The following DYNC2H1 variants were observed in gnomAD, a reference collection of about 807,000 sequenced individuals.
The protein encoded by DYNC2H1 is cytoplasmic dynein 2 heavy chain 1.
DYNC2H1 carries 410 observed loss-of-function variants against 570.0 expected under a neutral mutation model. The observed-to-expected ratio is 0.72, with a 90% confidence interval of 0.66 to 0.78. DYNC2H1 has a LOEUF of 0.78. Among genes scored for constraint, DYNC2H1 ranks in the 30% least tolerant of loss-of-function variants. The probability of loss-of-function intolerance (pLI) is 0.00; values close to 1 mark genes in which losing one functional copy is unlikely to be tolerated. For missense variants in DYNC2H1, 4,865 were observed against 5,046.4 expected (o/e 0.96, Z 1.09); for synonymous variants, 1,688 against 1,677.6 (o/e 1.01, Z -0.15).
intron 34 of DYNC2H1, 141 bp downstream of exon 34, chr11:103,171,209 T>A (rs1430670705): frequency 2.3e-5 from 18 of 781,288 alleles, no homozygotes; most frequent in South Asian, 4.8e-5. Flanking sequence ...TTTTTTTAGC[T>A]ATAAAACGTT....
At position 103,109,631 on chromosome 11, in the gene DYNC2H1, T is replaced by C; in HGVS notation, c.57T>C (p.Asn19=). The C allele has an allele frequency of 6.2e-7, 1 of 1,613,946 alleles. No homozygotes were observed. Among genetic ancestry groups the C allele is most frequent in the African/African-American group, 1.3e-5 (1 of 75,024 alleles). Residue 19 remains asparagine (N), a synonymous_variant, in exon 1 of 89, where the codon AAT becomes AAC. Transcript: ENST00000375735. ...RKLFIFTTTQ[N]YFGLMSELWD... ...TCTTCATCTTCACTACTACCCAGAA[T>C]TACTTCGGGTTGATGTCTGAACTCT...
At chr11:103,311,165 T>G (rs1867570537) in intron 78 of DYNC2H1, among the ~76,000 whole-genome samples, 1 of 152,200 alleles carries the variant, frequency 6.6e-6, no homozygotes, top group South Asian at 2.1e-4. Flanking sequence ...TAAAACAAGC[T>G]AATTAGAATA....
intron 85 of DYNC2H1, among the ~76,000 whole-genome samples, chr11:103,454,115 C>T (rs923239715): frequency 6.8e-6 from 1 of 147,312 alleles, no homozygotes; most frequent in Non-Finnish European, 1.5e-5. Context: ...ATTTTAATTT[C>T]TTCTATTCTA....
intron 71 of DYNC2H1, among the ~76,000 whole-genome samples, chr11:103,281,028 A>T (rs2135338046): frequency 6.6e-6 from 1 of 152,156 alleles, no homozygotes; most frequent in South Asian, 2.1e-4. Flanking sequence ...AATTTTTCTC[A>T]TTATGATGCT....
chr11:103,440,008 A>G (rs944657187), intron 85 of DYNC2H1, among the ~76,000 whole-genome samples: 7 of 152,058 alleles, frequency 4.6e-5, no homozygotes, highest in Non-Finnish European at 1.0e-4. Flanking sequence ...TGATCATTCT[A>G]AATTCTAGCG....
Position 103,268,217 on chromosome 11 carries a change from G to A in DYNC2H1, c.10695+8240G>A, listed in dbSNP as rs190750956. ...TATCTCTACCCACATAATAATAAAG[G>A]TATATCTTTATCTCCTTTGTTGCAC... On this transcript the variant is annotated intron_variant, in intron 70 of 88. Transcript: ENST00000375735. This position sits in a 1 kb window ranked among gnomAD's most constrained non-coding sequence, Gnocchi z 4.6. Among the ~76,000 whole-genome samples, 616 of 152,040 alleles carry A rather than the reference G, an allele frequency of 4.1e-3. 3 individuals carry two copies. Among genetic ancestry groups the A allele is most frequent in the Non-Finnish European group, 6.8e-3 (460 of 67,908 alleles).
At chr11:103,312,059 A>G in intron 79 of DYNC2H1, 26 bp downstream of exon 79, 1 of 1,580,866 alleles carries the variant, frequency 6.3e-7, no homozygotes, top group South Asian at 1.2e-5. Flanking sequence ...TCTTGAATAC[A>G]TTCTAAGCTT....
intron 40 of DYNC2H1, 24 bp from the exon 41 acceptor site, chr11:103,184,872 T>C (rs1862003200): frequency 2.5e-6 from 4 of 1,608,750 alleles, no homozygotes; most frequent in Non-Finnish European, 3.4e-6. Flanking sequence ...TTTGTCTGTT[T>C]GTATCACGGA....
chr11:103,404,448 A>G (rs1222890979), intron 84 of DYNC2H1: 1 of 150,732 alleles, frequency 6.6e-6, no homozygotes, highest in Non-Finnish European at 1.5e-5. Flanking sequence ...CTTAAAAATT[A>G]TTAGTATAAC....
intron 59 of DYNC2H1, among the ~76,000 whole-genome samples, chr11:103,223,726 T>C (rs1863687624): frequency 6.8e-6 from 1 of 146,576 alleles, no homozygotes; most frequent in Non-Finnish European, 1.5e-5. Flanking sequence ...CTTTGGAAAT[T>C]TAAGACTTTT....
At chr11:103,230,899 C>T (rs1250544983) in intron 59 of DYNC2H1, among the ~76,000 whole-genome samples, 2 of 152,036 alleles carry the variant, frequency 1.3e-5, no homozygotes, top group African/African-American at 4.8e-5. Flanking sequence ...TTTGAAATTT[C>T]TCCTATTTCA....
intron 70 of DYNC2H1, among the ~76,000 whole-genome samples, chr11:103,263,075 A>G (rs1161593730): frequency 6.6e-6 from 1 of 151,946 alleles, no homozygotes; most frequent in African/African-American, 2.4e-5. Context: ...GTCTCTGACA[A>G]AACAGACTTT....
In DYNC2H1 at chr11:103,184,809, G is replaced by T. The variant is rs1294775171; in HGVS notation, c.6478-87G>T. 5.7e-6 allele frequency: 8 copies of T among 1,391,840 alleles called. No individual in the cohort carries two copies. In the African/African-American group the frequency reaches 1.1e-4, roughly 20 times the overall value. 86.2% of individuals were successfully genotyped at this position (1,391,840 alleles called of 1,614,324 possible). A position where few individuals can be genotyped will look rare whatever the true frequency, so the allele number is the denominator to read the frequency against. ...TGAGTTTAAAAATGGTTCTTGAAAA[G>T]GTATGTGAACATCAGTCTGTATGGT... On this transcript the variant is annotated intron_variant, in intron 40 of 88. Transcript: ENST00000375735.
intron 75 of DYNC2H1, among the ~76,000 whole-genome samples, chr11:103,293,202 G>A (rs942926199): frequency 2.0e-5 from 3 of 146,614 alleles, no homozygotes; most frequent in Non-Finnish European, 4.5e-5. Context: ...ATTCTAAGTT[G>A]GAAGCTTTTT....
intron 59 of DYNC2H1, 144 bp downstream of exon 59, chr11:103,223,230 C>A: frequency 1.3e-6 from 1 of 779,184 alleles, no homozygotes; most frequent in Non-Finnish European, 1.8e-6. Flanking sequence ...CAATTAAAGA[C>A]AAATTTAAAA....
At chr11:103,387,337 T>C (rs1457548539) in intron 83 of DYNC2H1, among the ~76,000 whole-genome samples, 1 of 152,198 alleles carries the variant, frequency 6.6e-6, no homozygotes, top group Non-Finnish European at 1.5e-5. Context: ...CACCTACTTG[T>C]TGATGGGGTT....
At position 103,174,082 on chromosome 11, in the gene DYNC2H1, T is replaced by A. The variant is rs1439942703; in HGVS notation, c.5586T>A (p.Tyr1862Ter). Residue 1862 changes from tyrosine to a stop codon, truncating the protein, a stop_gained, in exon 36 of 89, where the codon TAT becomes TAA. Coordinates refer to ENST00000375735, the MANE Select transcript of DYNC2H1 (RefSeq NM_001377.3). LOFTEE classifies it high-confidence loss of function. Reference protein sequence around the residue: ...SRELLTPQQHYDWGLRALKTV... With the variant: ...SRELLTPQQH ...AACTTTTGACACCTCAGCAACATTA[T>A]GATTGGGGTTTGAGAGCTTTGAAGA... The A allele has an allele frequency of 1.3e-6, 2 of 1,589,792 alleles. No homozygotes were observed. The highest frequency in any genetic ancestry group is 1.3e-5 in the African/African-American group (1 of 74,646).
In DYNC2H1 at chr11:103,439,228, G is replaced by A. The variant is rs1232345176; in HGVS notation, c.12456+3196G>A. On this transcript the variant is annotated intron_variant, in intron 85 of 88. Transcript: ENST00000375735. This position sits in a 1 kb window ranked among gnomAD's most constrained non-coding sequence, Gnocchi z 4.1. ...GTCAGAGAAGTGCTGCCTAAGCTGG[G>A]AACTTAGTAGGAATAAACCAGATGA... Among the ~76,000 whole-genome samples the A allele has an allele frequency of 1.3e-5, 2 of 152,054 alleles. No homozygotes were observed. Among genetic ancestry groups the A allele is most frequent in the Non-Finnish European group, 2.9e-5 (2 of 68,008 alleles).
chr11:103,349,194 T>C (rs1031561769), intron 82 of DYNC2H1, among the ~76,000 whole-genome samples: 1 of 152,138 alleles, frequency 6.6e-6, no homozygotes, highest in African/African-American at 2.4e-5. Flanking sequence ...ACCAAATACC[T>C]AGTAGTGGAA....
Sources: allele counts gnomAD v4.1 joint callset (sites outside exome capture counted in the v4.1 genomes callset), GRCh38; gene constraint gnomAD v4.1.1; non-coding constraint Gnocchi (gnomAD v3.1); transcripts MANE v1.5; gene names NCBI Gene and HGNC (gene_info 2026-07-23, HGNC 2026-07-21).